TTC12: variants seen among roughly 807,000 people sequenced by gnomAD.
The protein encoded by TTC12 is tetratricopeptide repeat protein 12.
A neutral mutation model predicts 90.1 loss-of-function variants in TTC12; 70 were observed. The observed-to-expected ratio is 0.78, with a 90% CI of 0.64 to 0.95. The LOEUF (loss-of-function observed/expected upper bound fraction) is 0.95, where lower values mean the gene tolerates loss of function less well. Among genes scored for constraint, TTC12 ranks in the 40% least tolerant of loss-of-function variants. The probability of loss-of-function intolerance (pLI) is 0.00; values close to 1 mark genes in which losing one functional copy is unlikely to be tolerated. For synonymous variants in TTC12, 296 were observed against 311.5 expected (o/e 0.95, Z 0.53); for missense variants, 819 against 846.1 (o/e 0.97, Z 0.40).
rs1007934137 is a variant in TTC12 at position 113,328,692 on chromosome 11, A to G, written c.445-1228A>G. Among the ~76,000 whole-genome samples, 5 of 152,184 alleles carry G rather than the reference A, an allele frequency of 3.3e-5. No individual in the cohort carries two copies. The East Asian group carries it at 9.6e-4, about 29-fold the overall frequency. Reference sequence around the variant, plus strand: ...CACAATTTAATGGAATTTTAGTATAATCACAGAGTTGTGCAACCATCACAA... The same window carrying G: ...CACAATTTAATGGAATTTTAGTATAGTCACAGAGTTGTGCAACCATCACAA... On this transcript the variant is annotated intron_variant, in intron 6 of 21. Transcript: ENST00000529221.
chr11:113,321,087 C>T (rs1555138210), intron 2 of TTC12, among the ~76,000 whole-genome samples: 1 of 151,936 alleles, frequency 6.6e-6, no homozygotes, highest in African/African-American at 2.4e-5. Context: ...AGAAAATTGG[C>T]CAAGGATAGG....
At chr11:113,371,250 A>G (rs1209521822), downstream of TTC12, among the ~76,000 whole-genome samples, 3 of 152,222 alleles carry the variant, frequency 2.0e-5, no homozygotes, top group Non-Finnish European at 4.4e-5. Flanking sequence ...GAAATGCATC[A>G]TATTTGCATA....
At chr11:113,359,593 G>T (rs1488347375) in intron 17 of TTC12, 132 bp downstream of exon 17, 3 of 683,680 alleles carry the variant, frequency 4.4e-6, no homozygotes, top group Admixed American at 2.4e-5. Flanking sequence ...ATGGGAAAAG[G>T]CTGGAGGGAT....
At chr11:113,348,510 C>G (rs1185091381) in intron 13 of TTC12, among the ~76,000 whole-genome samples, 1 of 152,186 alleles carries the variant, frequency 6.6e-6, no homozygotes, top group Non-Finnish European at 1.5e-5. Context: ...ACAGTTCTCC[C>G]CTGGTTGAAT....
intron 7 of TTC12, among the ~76,000 whole-genome samples, chr11:113,333,256 C>T (rs540124269): frequency 6.4e-4 from 98 of 152,152 alleles, no homozygotes; most frequent in African/African-American, 2.3e-3. Context: ...CCAGCTGGAC[C>T]GTCCCCGGAG....
intron 19 of TTC12, 122 bp from the exon 20 acceptor site, chr11:113,363,706 A>T (rs1382487076): frequency 6.0e-6 from 4 of 664,450 alleles, no homozygotes; most frequent in Non-Finnish European, 1.0e-5. Context: ...TGCCGTTCTC[A>T]GTAGAATTCT....
chr11:113,324,412 TCA>T (rs1947553374), intron 4 of TTC12, among the ~76,000 whole-genome samples, 191 bp from the exon 5 acceptor site: 1 of 152,212 alleles, frequency 6.6e-6, no homozygotes, highest in African/African-American at 2.4e-5. Flanking sequence ...TAATAATGCA[TCA>T]CACAGATTAC....
At chr11:113,358,402 T>A (rs1321474055) in intron 16 of TTC12, among the ~76,000 whole-genome samples, 5 of 152,130 alleles carry the variant, frequency 3.3e-5, no homozygotes, top group Admixed American at 6.5e-5. Flanking sequence ...TGCTCTCCAC[T>A]GGTCAGGCAT....
At chr11:113,359,847 C>T (rs2138067185) in intron 17 of TTC12, 93 bp from the exon 18 acceptor site, 1 of 970,346 alleles carries the variant, frequency 1.0e-6, no homozygotes, top group East Asian at 2.6e-5. Context: ...TGTGGTGGTG[C>T]TAAAAAGGAG....
chr11:113,351,918 C>T (rs1002927571), intron 15 of TTC12, 152 bp from the exon 16 acceptor site: 197 of 862,230 alleles, frequency 2.3e-4, no homozygotes, highest in African/African-American at 1.6e-3. Context: ...TGCCTCCATC[C>T]GTTGCCAGTG....
Position 113,325,634 on chromosome 11 carries a change from A to G in TTC12, c.433A>G (p.Asn145Asp), listed in dbSNP as rs782430186. Reference sequence around the variant, plus strand: ...GAAGGACATGAAAGTGCTGTACACCAACCGAGCCCAGGTCAGTGAGGCAGG... The same window carrying G: ...GAAGGACATGAAAGTGCTGTACACCGACCGAGCCCAGGTCAGTGAGGCAGG... ...KLKDMKVLYT[N>D]RAQAYMKLED... Residue 145 changes from asparagine (N) to aspartate (D), a missense_variant, in exon 6 of 22, where the codon AAC (asparagine) becomes GAC (aspartate). Transcript: ENST00000529221. 1 of 1,613,944 alleles carries G rather than the reference A, an allele frequency of 6.2e-7. No individual in the cohort carries two copies. The highest frequency in any genetic ancestry group is 1.1e-5 in the South Asian group (1 of 91,074).
intron 5 of TTC12, among the ~76,000 whole-genome samples, chr11:113,324,998 G>A (rs1555140461): frequency 6.6e-6 from 1 of 152,122 alleles, no homozygotes; most frequent in African/African-American, 2.4e-5. Flanking sequence ...AGCTGCCACT[G>A]GCTAGCCTAA....
downstream of TTC12, among the ~76,000 whole-genome samples, chr11:113,369,437 T>A (rs1950322848): frequency 3.2e-5 from 1 of 31,624 alleles, no homozygotes; most frequent in African/African-American, 1.3e-4. Context: ...CCCCCGTGCA[T>A]TGTGCCTTTG....
At chr11:113,368,522 G>A (rs192344358), downstream of TTC12, 3 of 1,545,150 alleles carry the variant, frequency 1.9e-6, no homozygotes, top group Admixed American at 3.9e-5. Flanking sequence ...TCCTAAAGAG[G>A]ATGTGGCCGG....
intron 5 of TTC12, among the ~76,000 whole-genome samples, chr11:113,324,948 G>A (rs1325915442): frequency 1.3e-5 from 2 of 152,144 alleles, no homozygotes; most frequent in African/African-American, 4.8e-5. Context: ...AAAGTGAATT[G>A]TACTAAACAA....
intron 19 of TTC12, 48 bp from the exon 20 acceptor site, chr11:113,363,780 G>A: frequency 7.6e-7 from 1 of 1,323,026 alleles, no homozygotes. Flanking sequence ...GTGGTCAAGA[G>A]CAATCATAGC....
At chr11:113,318,610 G>GA (rs1178578677) in intron 2 of TTC12, among the ~76,000 whole-genome samples, 1 of 84,108 alleles carries the variant, frequency 1.2e-5, no homozygotes, top group Admixed American at 1.5e-4. Flanking sequence ...GTGAATTTTT[G>GA]GGGGGGATGC....
intron 12 of TTC12, among the ~76,000 whole-genome samples, chr11:113,343,856 T>C (rs1555146991): frequency 6.6e-6 from 1 of 152,214 alleles, no homozygotes; most frequent in Non-Finnish European, 1.5e-5. Flanking sequence ...TGTATGAATA[T>C]TGATGGCCTA....
chr11:113,361,073 G>A (rs543857630), intron 18 of TTC12, among the ~76,000 whole-genome samples: 3 of 152,304 alleles, frequency 2.0e-5, no homozygotes, highest in East Asian at 3.9e-4. Flanking sequence ...CACGTTGGGT[G>A]CTTCCCAGCT....
Sources: allele counts gnomAD v4.1 joint callset (sites outside exome capture counted in the v4.1 genomes callset), GRCh38; gene constraint gnomAD v4.1.1; transcripts MANE v1.5; gene names NCBI Gene and HGNC (gene_info 2026-07-23, HGNC 2026-07-21).